Variants in GRM3 observed in about 807,000 individuals in gnomAD.
The protein encoded by GRM3 is glutamate metabotropic receptor 3, also known as metabotropic glutamate receptor 3.
In GRM3, 26 loss-of-function variants were observed where a neutral mutation model predicts 70.5. The ratio of observed to expected loss-of-function variants is 0.37; its 90% CI spans 0.27 to 0.51. The LOEUF is 0.51. GRM3 is among the 20% of genes least tolerant of loss of function. The pLI is 0.93. For synonymous variants in GRM3, 443 were observed against 434.9 expected (o/e 1.02, Z -0.23); for missense variants, 859 against 1,123.8 (o/e 0.76, Z 3.37).
chr7:86,701,336 G>T (rs992548788), intron 1 of GRM3, among the ~76,000 whole-genome samples: 6 of 151,624 alleles, frequency 4.0e-5, no homozygotes, highest in Admixed American at 6.6e-5. Flanking sequence ...AAATTTAGGG[G>T]TCTCAACATA....
chr7:86,678,794 G>C (rs536005096), intron 1 of GRM3, among the ~76,000 whole-genome samples: 8 of 152,110 alleles, frequency 5.3e-5, no homozygotes, highest in Non-Finnish European at 1.0e-4. Flanking sequence ...TCCCTTAGAA[G>C]GTAATACAGA....
chr7:86,771,564 T>C (rs7341512), intron 2 of GRM3, among the ~76,000 whole-genome samples: 38,712 of 152,038 alleles, frequency 0.25, 5,011 homozygotes, highest in Middle Eastern at 0.31. Context: ...CATTATTCTA[T>C]AGAACATTAT....
At chr7:86,707,102 T>C (rs577923734) in intron 1 of GRM3, among the ~76,000 whole-genome samples, 1 of 152,234 alleles carries the variant, frequency 6.6e-6, no homozygotes, top group South Asian at 2.1e-4. Context: ...ATAAACACAC[T>C]TGTTTGGAAG....
chr7:86,647,640 A>G (rs1584136315), intron 1 of GRM3, among the ~76,000 whole-genome samples: 1 of 152,314 alleles, frequency 6.6e-6, no homozygotes, highest in African/African-American at 2.4e-5. Context: ...TTGAGACTCC[A>G]CTAAATGGAT....
intron 1 of GRM3, among the ~76,000 whole-genome samples, chr7:86,660,236 G>T (rs911249237): frequency 1.6e-4 from 24 of 152,038 alleles, no homozygotes; most frequent in African/African-American, 5.6e-4. Context: ...GAACAGAACA[G>T]CTTAAAGCAA....
At chr7:86,820,332 C>T (rs970458925) in intron 3 of GRM3, among the ~76,000 whole-genome samples, 1 of 152,118 alleles carries the variant, frequency 6.6e-6, no homozygotes, top group African/African-American at 2.4e-5. Context: ...CTTTGACTTC[C>T]ATCAGGATCT....
chr7:86,800,493 A>T (rs1473374673), intron 3 of GRM3, among the ~76,000 whole-genome samples: 4 of 152,240 alleles, frequency 2.6e-5, no homozygotes, highest in African/African-American at 4.8e-5. Flanking sequence ...AGCAACCATC[A>T]GAGAATACTA....
intron 1 of GRM3, among the ~76,000 whole-genome samples, chr7:86,668,696 C>A (rs943542757): frequency 1.3e-5 from 2 of 152,082 alleles, no homozygotes; most frequent in African/African-American, 4.8e-5. Flanking sequence ...TTGTGGCTGA[C>A]TGCTCCTACC....
intron 1 of GRM3, among the ~76,000 whole-genome samples, chr7:86,682,073 T>A (rs1211115993): frequency 6.6e-6 from 1 of 152,120 alleles, no homozygotes. Flanking sequence ...CATGGAGAGG[T>A]TAAACAATTC....
At chr7:86,778,116 A>G in intron 2 of GRM3, among the ~76,000 whole-genome samples, 1 of 152,234 alleles carries the variant, frequency 6.6e-6, no homozygotes, top group Non-Finnish European at 1.5e-5. Context: ...ATAGGTGAAC[A>G]GCAGAGAATA....
At position 86,786,052 on chromosome 7, in the gene GRM3, A is replaced by G. The variant is rs1336138023; in HGVS notation, c.469-209A>G. 1.7e-6 allele frequency: 1 copy of G among 595,764 alleles called. No homozygotes were observed. Among genetic ancestry groups the G allele is most frequent in the Non-Finnish European group, 3.0e-6 (1 of 329,012 alleles). The allele number at this position is 595,764 out of a possible 1,614,324, so 36.9% of individuals were successfully genotyped here. On this transcript the variant is annotated intron_variant, in intron 2 of 5. Transcript: ENST00000361669. The surrounding 1 kb of genome is among the most constrained non-coding windows in gnomAD (Gnocchi z 6.0). ...TACTCTGCCCTTTCCTGAAGCACAC[A>G]CTACCTGTGTGAGACCTGCTTCCTA...
intron 5 of GRM3, among the ~76,000 whole-genome samples, chr7:86,851,377 TTC>T (rs1317108632): frequency 1.3e-5 from 2 of 152,060 alleles, no homozygotes; most frequent in Non-Finnish European, 2.9e-5. Flanking sequence ...TTCTTTAGAG[TTC>T]TCTAAAGCAC....
intron 1 of GRM3, among the ~76,000 whole-genome samples, chr7:86,696,030 T>G (rs1276312857): frequency 2.0e-5 from 3 of 152,212 alleles, no homozygotes; most frequent in African/African-American, 7.2e-5. Flanking sequence ...CAAAGGTGGC[T>G]AACCAATTCT....
chr7:86,791,892 C>A (rs1797428602), intron 3 of GRM3, among the ~76,000 whole-genome samples: 1 of 152,108 alleles, frequency 6.6e-6, no homozygotes, highest in African/African-American at 2.4e-5. Context: ...AATAAAGTTT[C>A]AAATCATTTT....
intron 1 of GRM3, among the ~76,000 whole-genome samples, chr7:86,678,028 T>C (rs1206288354): frequency 2.0e-5 from 3 of 152,014 alleles, no homozygotes; most frequent in African/African-American, 7.2e-5. Flanking sequence ...AATTTTGTTC[T>C]ATAAAAATAT....
At chr7:86,697,439 G>A (rs59518261) in intron 1 of GRM3, among the ~76,000 whole-genome samples, 1 of 152,018 alleles carries the variant, frequency 6.6e-6, no homozygotes, top group South Asian at 2.1e-4. Flanking sequence ...ACACTTAACT[G>A]TCAGGGAGTG....
chr7:86,683,937 T>A (rs371441368), intron 1 of GRM3, among the ~76,000 whole-genome samples: 1 of 152,072 alleles, frequency 6.6e-6, no homozygotes, highest in East Asian at 1.9e-4. Flanking sequence ...CCCAGGACGG[T>A]TTTTTAATTA....
chr7:86,816,644 G>A (rs1407806620), intron 3 of GRM3, among the ~76,000 whole-genome samples: 1 of 151,842 alleles, frequency 6.6e-6, no homozygotes, highest in Non-Finnish European at 1.5e-5. Flanking sequence ...TTATGACTGT[G>A]TAGTATTCCA....
At chr7:86,856,539 CT>C (rs1314834527) in intron 5 of GRM3, among the ~76,000 whole-genome samples, 1 of 151,868 alleles carries the variant, frequency 6.6e-6, no homozygotes, top group African/African-American at 2.4e-5. Flanking sequence ...CAGCAAACCC[CT>C]GTGACACACT....
Sources: gnomAD v4.1 joint callset for allele counts (sites outside exome capture counted in the v4.1 genomes callset) on GRCh38, gnomAD v4.1.1 for gene constraint, Gnocchi (gnomAD v3.1) non-coding constraint, MANE v1.5 for transcripts, NCBI Gene and HGNC (gene_info 2026-07-23, HGNC 2026-07-21) for gene names.